ABI3BP: variants seen among roughly 807,000 people sequenced by gnomAD.
ABI3BP encodes ABI family member 3 binding protein.
A neutral mutation model predicts 268.6 loss-of-function variants in ABI3BP; 216 were observed. The ratio of observed to expected loss-of-function variants is 0.80; its 90% confidence interval spans 0.72 to 0.90. The LOEUF is 0.90. ABI3BP is among the 40% of genes least tolerant of loss of function. The pLI is 0.00. For missense variants in ABI3BP, 2,090 were observed against 2,182.4 expected, an observed-to-expected ratio of 0.96 and a Z score of 0.84; for synonymous variants, 730 against 730.0, an observed-to-expected ratio of 1.00 and a Z score of 0.00.
chr3:100,817,118 C>A (rs1437631539), intron 42 of ABI3BP, among the ~76,000 whole-genome samples: 1 of 152,118 alleles, frequency 6.6e-6, no homozygotes, highest in Non-Finnish European at 1.5e-5. Flanking sequence ...ATGATATAGC[C>A]ACCAGCAACT....
chr3:100,935,590 T>C (rs1421674316), intron 1 of ABI3BP, among the ~76,000 whole-genome samples: 1 of 152,014 alleles, frequency 6.6e-6, no homozygotes, highest in Admixed American at 6.6e-5. Flanking sequence ...TTTCACGATA[T>C]TGATTCTTCC....
intron 4 of ABI3BP, among the ~76,000 whole-genome samples, chr3:100,892,781 G>C (rs969817575): frequency 6.6e-6 from 1 of 152,220 alleles, no homozygotes; most frequent in Non-Finnish European, 1.5e-5. Flanking sequence ...GTTGTGCATA[G>C]AGGGGATTGT....
chr3:100,855,142 G>T (rs1268268044), intron 14 of ABI3BP, among the ~76,000 whole-genome samples: 1 of 152,148 alleles, frequency 6.6e-6, no homozygotes, highest in Non-Finnish European at 1.5e-5. Flanking sequence ...TGGCCAGGCT[G>T]GCTTCAAACT....
At chr3:100,867,011 C>T in intron 9 of ABI3BP, 55 bp from the exon 10 acceptor site, 7 of 1,327,458 alleles carry the variant, frequency 5.3e-6, no homozygotes, top group Non-Finnish European at 7.6e-6. Flanking sequence ...AAAAATACCT[C>T]CCTCAATGCA....
At chr3:100,927,680 C>G (rs1344114449) in intron 1 of ABI3BP, among the ~76,000 whole-genome samples, 1 of 152,130 alleles carries the variant, frequency 6.6e-6, no homozygotes, top group African/African-American at 2.4e-5. Flanking sequence ...TGTGCAAACT[C>G]TATCACTAGG....
rs562658249 is a variant in ABI3BP, at chr3:100,888,389, G to A, written c.462-2066C>T. Among the ~76,000 whole-genome samples the A allele has an allele frequency of 3.9e-5, 6 of 152,186 alleles. No individual in the cohort carries two copies. In the South Asian group the frequency reaches 1.2e-3, roughly 32 times the overall value. On this transcript the variant is annotated intron_variant, in intron 4 of 67. Transcript: ENST00000471714. The stretch of plus-strand genomic sequence containing the variant: ...TATTTTTTCCCCGTCCTGGCTCTTA[G>A]AGAAATGTTAAGAAGCTAAAATCAG...
intron 17 of ABI3BP, 134 bp downstream of exon 17, chr3:100,849,911 T>A: frequency 1.4e-6 from 1 of 701,284 alleles, no homozygotes; most frequent in Non-Finnish European, 2.4e-6. Context: ...TGGAAGAATT[T>A]CATGGTAGAG....
chr3:100,829,248 T>C (rs915339789), intron 33 of ABI3BP, among the ~76,000 whole-genome samples: 1 of 152,114 alleles, frequency 6.6e-6, no homozygotes. Context: ...GTTTGCCAAC[T>C]CCTGCCTTAG....
chr3:100,926,215 G>C, intron 2 of ABI3BP, 87 bp downstream of exon 2: 1 of 1,390,108 alleles, frequency 7.2e-7, no homozygotes, highest in Non-Finnish European at 9.9e-7. Context: ...AGAAAAAATA[G>C]TTCTTGACAT....
chr3:100,838,820 G>C (rs1169463199), intron 24 of ABI3BP, among the ~76,000 whole-genome samples: 2 of 152,254 alleles, frequency 1.3e-5, no homozygotes, highest in East Asian at 1.9e-4. Flanking sequence ...AAATCTGATT[G>C]CTTAGGAGGC....
intron 5 of ABI3BP, 39 bp from the exon 6 acceptor site, chr3:100,885,627 C>G: frequency 7.7e-7 from 1 of 1,290,800 alleles, no homozygotes; most frequent in Non-Finnish European, 1.1e-6. Context: ...TTTTTATTCT[C>G]CTTGCTCCTA....
intron 1 of ABI3BP, among the ~76,000 whole-genome samples, chr3:100,986,255 T>C (rs537915189): frequency 2.0e-5 from 3 of 152,326 alleles, no homozygotes; most frequent in East Asian, 1.9e-4. Flanking sequence ...CTAACAACCA[T>C]GTGAGCTTGG....
In ABI3BP at chr3:100,931,616, C is replaced by CA. The variant is rs796790548; in HGVS notation, c.80-5136dup. Among the ~76,000 whole-genome samples, 261 of 150,412 alleles carry CA rather than the reference C, an allele frequency of 1.7e-3. 1 individual carries two copies. Among genetic ancestry groups the CA allele is most frequent in the African/African-American group, 5.8e-3 (238 of 41,220 alleles). ...ATACCATTCACAATAGCCACACACA[C>CA]AAAAAAAAACTACTTAGGAATACAG... On this transcript the variant is annotated intron_variant, in intron 1 of 67. Coordinates refer to ENST00000471714, the MANE Select transcript of ABI3BP (RefSeq NM_001375547.2).
At chr3:100,835,413 G>A (rs974134679) in intron 28 of ABI3BP, among the ~76,000 whole-genome samples, 188 bp downstream of exon 28, 18 of 152,162 alleles carry the variant, frequency 1.2e-4, no homozygotes, top group East Asian at 3.8e-4. Context: ...CACTAGTGGC[G>A]TATGGGCTTA....
At chr3:100,896,758 T>C (rs2047904811) in intron 4 of ABI3BP, among the ~76,000 whole-genome samples, 1 of 152,166 alleles carries the variant, frequency 6.6e-6, no homozygotes, top group South Asian at 2.1e-4. Flanking sequence ...GGAGGCATGT[T>C]CTTTTGAGTC....
Position 100,750,105 on chromosome 3 carries a change from A to G in ABI3BP, c.*390T>C. 1 of 231,854 alleles carries G rather than the reference A, an allele frequency of 4.3e-6. No homozygotes were observed. 14.4% of individuals were successfully genotyped at this position (231,854 alleles called of 1,614,324 possible). A position where few individuals can be genotyped will look rare whatever the true frequency, so the allele number is the denominator to read the frequency against. Reference sequence around the variant, plus strand: ...AGAGATTTATGGAATTAACTCATCAATAGGAAGAGTACACATCAATAAAAG... The same window carrying G: ...AGAGATTTATGGAATTAACTCATCAGTAGGAAGAGTACACATCAATAAAAG... On this transcript the variant is annotated 3_prime_UTR_variant, in exon 68 of 68. Coordinates refer to ENST00000471714, the MANE Select transcript of ABI3BP (RefSeq NM_001375547.2).
chr3:100,977,731 G>A (rs2086952293), intron 1 of ABI3BP, among the ~76,000 whole-genome samples: 1 of 152,174 alleles, frequency 6.6e-6, no homozygotes, highest in Non-Finnish European at 1.5e-5. Context: ...CCTTGATTCA[G>A]TGTGCAAGGG....
chr3:100,767,012 G>T (rs555975127), intron 62 of ABI3BP, among the ~76,000 whole-genome samples: 101 of 152,258 alleles, frequency 6.6e-4, no homozygotes, highest in Non-Finnish European at 1.3e-3. Flanking sequence ...ATTTGGGGGA[G>T]GATTTTTTTT....
chr3:100,878,641 A>T (rs2099188893), intron 6 of ABI3BP, among the ~76,000 whole-genome samples: 1 of 152,182 alleles, frequency 6.6e-6, no homozygotes, highest in African/African-American at 2.4e-5. Flanking sequence ...GGGCAGGAGG[A>T]TCCCTTTTGG....
Sources: gnomAD v4.1 joint callset for allele counts (sites outside exome capture counted in the v4.1 genomes callset) on GRCh38, gnomAD v4.1.1 for gene constraint, MANE v1.5 for transcripts, NCBI Gene and HGNC (gene_info 2026-07-23, HGNC 2026-07-21) for gene names.